The following NECTIN3 variants were observed in gnomAD, a reference collection of about 807,000 sequenced individuals.
The protein encoded by NECTIN3 is nectin-3.
Under a neutral mutation model 49.4 loss-of-function variants are expected in NECTIN3, and 8 were observed. The observed-to-expected ratio is 0.16, with a 90% CI of 0.10 to 0.29. The LOEUF (loss-of-function observed/expected upper bound fraction) is 0.29, where lower values mean the gene tolerates loss of function less well. NECTIN3 is among the 10% of genes least tolerant of loss of function. NECTIN3 has a pLI of 1.00. For synonymous variants in NECTIN3, 277 were observed against 241.1 expected, an observed-to-expected ratio of 1.15 and a Z score of -1.38; for missense variants, 581 against 654.6, an observed-to-expected ratio of 0.89 and a Z score of 1.23.
intron 5 of NECTIN3, among the ~76,000 whole-genome samples, chr3:111,142,592 CTATT>C (rs1382168720): frequency 2.0e-5 from 3 of 151,642 alleles, no homozygotes; most frequent in East Asian, 1.9e-4. Context: ...AAAATAGTGT[CTATT>C]TAAAGTTGGA....
intron 1 of NECTIN3, among the ~76,000 whole-genome samples, chr3:111,093,513 C>A (rs1274422065): frequency 1.3e-5 from 2 of 151,052 alleles, no homozygotes; most frequent in South Asian, 2.1e-4. Context: ...TGGCTCCCTG[C>A]AACCTCCACC....
At chr3:111,105,982 CTTT>C (rs34682420) in intron 1 of NECTIN3, among the ~76,000 whole-genome samples, 5 of 129,428 alleles carry the variant, frequency 3.9e-5, no homozygotes, top group East Asian at 4.4e-4. Flanking sequence ...CTTACCAGTG[CTTT>C]TTTTTTTTTT....
chr3:111,178,127 G>C (rs2107530535), intron 7 of NECTIN3, among the ~76,000 whole-genome samples: 1 of 152,256 alleles, frequency 6.6e-6, no homozygotes, highest in East Asian at 1.9e-4. Flanking sequence ...GTGATAACAA[G>C]AAACACTGCC....
intron 1 of NECTIN3, chr3:111,072,663 GC>G: frequency 1.5e-6 from 2 of 1,301,296 alleles, no homozygotes; most frequent in Non-Finnish European, 2.1e-6. Flanking sequence ...CACCATTTTA[GC>G]CCACCCAGCC....
At chr3:111,178,728 C>G (rs537015518) in intron 7 of NECTIN3, among the ~76,000 whole-genome samples, 1 of 152,292 alleles carries the variant, frequency 6.6e-6, no homozygotes, top group East Asian at 1.9e-4. Context: ...TCATTGTCTT[C>G]CCACTTTTTA....
chr3:111,150,746 A>G (rs1358324974), intron 7 of NECTIN3, among the ~76,000 whole-genome samples: 1 of 151,822 alleles, frequency 6.6e-6, no homozygotes, highest in Non-Finnish European at 1.5e-5. Flanking sequence ...ACTAAACAAC[A>G]TATTACGGTA....
chr3:111,096,497 A>G (rs1242878006), intron 1 of NECTIN3, among the ~76,000 whole-genome samples: 1 of 152,216 alleles, frequency 6.6e-6, no homozygotes, highest in Non-Finnish European at 1.5e-5. Context: ...CCAAATGTTA[A>G]TCATCAAGAC....
At chr3:111,131,739 T>G (rs2034398566) in intron 5 of NECTIN3, among the ~76,000 whole-genome samples, 1 of 151,900 alleles carries the variant, frequency 6.6e-6, no homozygotes, top group South Asian at 2.1e-4. Context: ...ATGTCAGGGT[T>G]TCATTATTTA....
At position 111,093,469 on chromosome 3, in the gene NECTIN3, A is replaced by G. The variant is rs117611801; in HGVS notation, c.161-18561A>G. ...GACAGAGTTTCGCTCTTGTTGCCCAATGTTGCCCAAGCTGGAGTGCAATGG... is the reference window on the plus strand; with the variant it reads ...GACAGAGTTTCGCTCTTGTTGCCCAGTGTTGCCCAAGCTGGAGTGCAATGG... On this transcript the variant is annotated intron_variant, in intron 1 of 5. Coordinates refer to ENST00000485303, the MANE Select transcript of NECTIN3 (RefSeq NM_015480.3). 0.039 allele frequency among the ~76,000 whole-genome samples: 5,897 copies of G among 149,690 alleles called. 679 individuals are homozygous for G. The East Asian group carries it at 0.45, about 11-fold the overall frequency.
At chr3:111,162,926 C>T (rs2035243729) in intron 7 of NECTIN3, among the ~76,000 whole-genome samples, 1 of 152,160 alleles carries the variant, frequency 6.6e-6, no homozygotes, top group Non-Finnish European at 1.5e-5. Flanking sequence ...AATCTTTTGG[C>T]TTTCTATTGC....
intron 7 of NECTIN3, among the ~76,000 whole-genome samples, chr3:111,156,657 G>A (rs1472465628): frequency 6.6e-6 from 1 of 152,104 alleles, no homozygotes; most frequent in Non-Finnish European, 1.5e-5. Context: ...ATGAGAATGG[G>A]TATCTTTAAC....
intron 7 of NECTIN3, among the ~76,000 whole-genome samples, chr3:111,178,485 C>T (rs988914108): frequency 1.9e-4 from 29 of 152,160 alleles, no homozygotes; most frequent in African/African-American, 6.3e-4. Flanking sequence ...AACAAATGAC[C>T]ACTGTATGTT....
At chr3:111,122,453 C>T (rs947063733) in intron 4 of NECTIN3, among the ~76,000 whole-genome samples, 8 of 152,082 alleles carry the variant, frequency 5.3e-5, no homozygotes, top group South Asian at 4.2e-4. Flanking sequence ...CAGTTTCTTA[C>T]GGTTAGTTAC....
chr3:111,083,230 AGAAAG>A (rs1017742443), intron 1 of NECTIN3, among the ~76,000 whole-genome samples: 1 of 152,180 alleles, frequency 6.6e-6, no homozygotes, highest in African/African-American at 2.4e-5. Context: ...CTCTTGGGAA[AGAAAG>A]GAAAGAGAAA....
At chr3:111,103,520 GT>G (rs535140796) in intron 1 of NECTIN3, among the ~76,000 whole-genome samples, 356 of 150,882 alleles carry the variant, frequency 2.4e-3, no homozygotes, top group African/African-American at 8.2e-3. Context: ...AGCTCCAGGA[GT>G]TTTTTCATCA....
At chr3:111,105,543 T>C (rs2033141422) in intron 1 of NECTIN3, among the ~76,000 whole-genome samples, 1 of 152,346 alleles carries the variant, frequency 6.6e-6, no homozygotes, top group East Asian at 1.9e-4. Context: ...ATATTGGTCT[T>C]AGGTCCTGCA....
chr3:111,077,959 CTTATT>C (rs984225765), intron 1 of NECTIN3, among the ~76,000 whole-genome samples: 1 of 152,120 alleles, frequency 6.6e-6, no homozygotes, highest in Non-Finnish European at 1.5e-5. Flanking sequence ...TGAAATTAAT[CTTATT>C]TTATTTAACA....
intron 7 of NECTIN3, chr3:111,147,602 C>T (rs2034905841): frequency 1.2e-6 from 1 of 854,416 alleles, no homozygotes; most frequent in Non-Finnish European, 1.8e-6. Flanking sequence ...GTTGTTTAGT[C>T]ATTATGCATT....
chr3:111,192,526 G>T lies in NECTIN3; in HGVS notation c.63+113G>T. 3.7e-6 allele frequency: 4 copies of T among 1,077,980 alleles called. No homozygotes were observed. The East Asian group carries it at 1.0e-4, about 28-fold the overall frequency. The allele number at this position is 1,077,980 out of a possible 1,614,324, so 66.8% of individuals were successfully genotyped here. On this transcript the variant is annotated intron_variant, in intron 1 of 1. Coordinates refer to the NECTIN3 transcript ENST00000485506. ...TTTTATTCATCTTTCCCCTATTTGA[G>T]TGTCTCTGCTAAGATCTGGTAGTCC... is the stretch of plus-strand genomic sequence containing the variant.
Sources: allele counts gnomAD v4.1 joint callset (sites outside exome capture counted in the v4.1 genomes callset), GRCh38; gene constraint gnomAD v4.1.1; transcripts MANE v1.5; gene names NCBI Gene and HGNC (gene_info 2026-07-23, HGNC 2026-07-21).